Variants in CLVS1 observed in about 807,000 individuals in gnomAD.
CLVS1 encodes the protein clavesin-1.
In CLVS1, 10 loss-of-function variants were observed where a neutral mutation model predicts 33.1. The observed-to-expected ratio is 0.30, with a 90% CI of 0.19 to 0.51. CLVS1 has a LOEUF of 0.51. Among genes scored for constraint, CLVS1 ranks in the 20% least tolerant of loss-of-function variants. The probability of loss-of-function intolerance (pLI) is 0.97; values close to 1 mark genes in which losing one functional copy is unlikely to be tolerated. For synonymous variants in CLVS1, 163 were observed against 166.1 expected (o/e 0.98, Z 0.14); for missense variants, 343 against 433.4 (o/e 0.79, Z 1.85).
chr8:61,416,625 A>G (rs1264430608), intron 3 of CLVS1, among the ~76,000 whole-genome samples: 1 of 152,218 alleles, frequency 6.6e-6, no homozygotes, highest in Non-Finnish European at 1.5e-5. Flanking sequence ...CTATGCAGGA[A>G]CAAACCTTCA....
At position 61,123,166 on chromosome 8, in the gene CLVS1, G is replaced by A. The variant is rs529872577; in HGVS notation, c.-242-8604G>A. On this transcript the variant is annotated intron_variant, in intron 1 of 2. Transcript: ENST00000522621. ...TGCCTGTAATCCCAGCTACTCAGGA[G>A]GCTGAGGCAGGAGAATCACTTGAAC... 9.1e-5 allele frequency among the ~76,000 whole-genome samples: 13 copies of A among 143,230 alleles called. 3 individuals are homozygous for A. In the South Asian group the frequency reaches 2.5e-3, roughly 28 times the overall value. The allele number at this position is 143,230 out of a possible 152,430, so 94.0% of individuals were successfully genotyped here.
At chr8:61,408,747 C>T (rs901912506) in intron 3 of CLVS1, among the ~76,000 whole-genome samples, 1 of 152,196 alleles carries the variant, frequency 6.6e-6, no homozygotes, top group Non-Finnish European at 1.5e-5. Context: ...TGGGGAGACA[C>T]ATTACCTTTT....
chr8:61,115,039 T>G (rs1805692602), intron 1 of CLVS1, among the ~76,000 whole-genome samples: 1 of 152,238 alleles, frequency 6.6e-6, no homozygotes, highest in Admixed American at 6.5e-5. Flanking sequence ...AGTGATTGTA[T>G]AACTTTTTCC....
At chr8:61,192,023 C>A (rs547444593) in intron 2 of CLVS1, among the ~76,000 whole-genome samples, 1 of 152,174 alleles carries the variant, frequency 6.6e-6, no homozygotes, top group East Asian at 1.9e-4. Context: ...TTGGAAAAAT[C>A]TACTTTAAAG....
At chr8:61,111,818 A>G (rs1193187557) in intron 1 of CLVS1, among the ~76,000 whole-genome samples, 3 of 152,198 alleles carry the variant, frequency 2.0e-5, no homozygotes, top group Non-Finnish European at 2.9e-5. Context: ...CATCATTTTT[A>G]TAGATTTTAA....
At chr8:60,992,324 T>C in the CLVS1 span, among the ~76,000 whole-genome samples, 3 of 152,072 alleles carry the variant, frequency 2.0e-5, no homozygotes, top group East Asian at 5.8e-4. Context: ...TTGAGTGGAG[T>C]TTAATATAGA....
Position 61,157,122 on chromosome 8 carries a change from G to T in CLVS1, c.-152+25262G>T, listed in dbSNP as rs73682186. ...AAAGTGGTATAGAAATCAGGCCTCA[G>T]GTATAAAGGCACTCTAGCTTGTGTC... On this transcript the variant is annotated intron_variant, in intron 2 of 2. Coordinates refer to the CLVS1 transcript ENST00000522621. 4.6e-3 allele frequency among the ~76,000 whole-genome samples: 706 copies of T among 152,276 alleles called. 5 individuals are homozygous for T. The highest frequency in any genetic ancestry group is 0.016 in the African/African-American group (660 of 41,556).
chr8:61,023,081 A>T, the CLVS1 span, among the ~76,000 whole-genome samples: 45 of 152,246 alleles, frequency 3.0e-4, no homozygotes, highest in African/African-American at 9.6e-4. Context: ...TACTTTCATC[A>T]GTTAAAAAAT....
chr8:61,053,671 T>C (rs1306227072), upstream of CLVS1, among the ~76,000 whole-genome samples: 1 of 152,158 alleles, frequency 6.6e-6, no homozygotes, highest in Non-Finnish European at 1.5e-5. Flanking sequence ...GACATGTGGC[T>C]CAAGCTGGGC....
At chr8:60,997,553 G>A in the CLVS1 span, among the ~76,000 whole-genome samples, 3 of 152,292 alleles carry the variant, frequency 2.0e-5, no homozygotes, top group African/African-American at 7.2e-5. Flanking sequence ...GATTAGAATG[G>A]AGTCAAATAG....
At chr8:61,490,974 A>G (rs1334989619) in intron 5 of CLVS1, among the ~76,000 whole-genome samples, 3 of 148,172 alleles carry the variant, frequency 2.0e-5, no homozygotes, top group African/African-American at 7.4e-5. Context: ...AAAAAAAAAG[A>G]AAAAAAAAAG....
At chr8:61,490,943 A>T (rs1166584057) in intron 5 of CLVS1, among the ~76,000 whole-genome samples, 1 of 151,452 alleles carries the variant, frequency 6.6e-6, no homozygotes, top group East Asian at 1.9e-4. Context: ...CCTGGGCAAC[A>T]GAGCCAGACT....
At chr8:61,188,432 A>G (rs758614972) in intron 2 of CLVS1, among the ~76,000 whole-genome samples, 6 of 152,144 alleles carry the variant, frequency 3.9e-5, no homozygotes, top group Admixed American at 2.6e-4. Context: ...GGGACAACCT[A>G]ATAACAGACA....
intron 1 of CLVS1, among the ~76,000 whole-genome samples, chr8:61,112,219 C>CACAT (rs1190645372): frequency 7.5e-6 from 1 of 133,974 alleles, no homozygotes; most frequent in African/African-American, 2.8e-5. Flanking sequence ...CACACACACA[C>CACAT]GCACAGAGAC....
chr8:61,391,501 T>C (rs965407421), intron 3 of CLVS1, among the ~76,000 whole-genome samples: 3 of 152,338 alleles, frequency 2.0e-5, no homozygotes, highest in Admixed American at 6.5e-5. Flanking sequence ...ATACCTTTAC[T>C]ACTGAGAATT....
intron 2 of CLVS1, among the ~76,000 whole-genome samples, chr8:61,282,719 A>G (rs1253878503): frequency 1.3e-5 from 2 of 152,196 alleles, no homozygotes; most frequent in Non-Finnish European, 2.9e-5. Context: ...AGTTTTAGCT[A>G]TTATTATTAC....
chr8:61,463,515 A>G (rs934028902), intron 5 of CLVS1, among the ~76,000 whole-genome samples: 1 of 152,128 alleles, frequency 6.6e-6, no homozygotes, highest in Admixed American at 6.6e-5. Context: ...TCTTCCTTTC[A>G]CTTAAACACT....
intron 2 of CLVS1, among the ~76,000 whole-genome samples, chr8:61,313,125 G>A (rs1449837722): frequency 6.6e-6 from 1 of 152,094 alleles, no homozygotes; most frequent in Admixed American, 6.6e-5. Context: ...ATAATGTGGG[G>A]AAAATGGCCC....
chr8:61,332,278 C>T (rs1811628244), intron 2 of CLVS1, among the ~76,000 whole-genome samples: 1 of 152,156 alleles, frequency 6.6e-6, no homozygotes, highest in Non-Finnish European at 1.5e-5. Context: ...TCTTTTCCAG[C>T]ACCCTCAGAC....
Sources: gnomAD v4.1 joint callset for allele counts (sites outside exome capture counted in the v4.1 genomes callset) on GRCh38, gnomAD v4.1.1 for gene constraint, MANE v1.5 for transcripts, NCBI Gene and HGNC (gene_info 2026-07-23, HGNC 2026-07-21) for gene names.